TLL1: variants seen among roughly 807,000 people sequenced by gnomAD.
TLL1 encodes the protein tolloid like 1, also known as tolloid-like protein 1.
TLL1 carries 49 observed loss-of-function variants against 128.2 expected under a neutral mutation model. The ratio of observed to expected loss-of-function variants is 0.38; its 90% confidence interval spans 0.30 to 0.48. The LOEUF (loss-of-function observed/expected upper bound fraction) is 0.48. TLL1 is among the 20% of genes least tolerant of loss of function. The pLI is 0.96. For missense variants in TLL1, 1,123 were observed against 1,242.0 expected (o/e 0.90, Z 1.44); for synonymous variants, 454 against 418.8 (o/e 1.08, Z -1.03).
intron 8 of TLL1, 95 bp downstream of exon 8, chr4:166,014,655 C>G: frequency 6.3e-7 from 1 of 1,575,900 alleles, no homozygotes; most frequent in South Asian, 1.1e-5. Context: ...GTTTGTCTCC[C>G]TCCCTGTTGG....
intron 1 of TLL1, among the ~76,000 whole-genome samples, chr4:165,933,035 A>G (rs1479075856): frequency 6.6e-6 from 1 of 152,234 alleles, no homozygotes. Flanking sequence ...ATATTCTTGC[A>G]TGAGACATCA....
At chr4:165,876,308 A>T (rs1182195879) in intron 1 of TLL1, among the ~76,000 whole-genome samples, 1 of 151,324 alleles carries the variant, frequency 6.6e-6, no homozygotes, top group Non-Finnish European at 1.5e-5. Context: ...AAAAAAAATG[A>T]AATACTACAT....
chr4:165,906,198 G>T (rs1045903399), intron 1 of TLL1, among the ~76,000 whole-genome samples: 1 of 152,134 alleles, frequency 6.6e-6, no homozygotes, highest in African/African-American at 2.4e-5. Context: ...CCTCTAGAAA[G>T]CCTGAAATAT....
chr4:165,902,552 C>T (rs1170709130), intron 1 of TLL1, among the ~76,000 whole-genome samples: 1 of 152,162 alleles, frequency 6.6e-6, no homozygotes, highest in Non-Finnish European at 1.5e-5. Context: ...CTGACTCCTT[C>T]TGCTTCCTGG....
At chr4:166,009,130 G>C (rs1278012858) in intron 7 of TLL1, among the ~76,000 whole-genome samples, 2 of 151,264 alleles carry the variant, frequency 1.3e-5, no homozygotes, top group Non-Finnish European at 3.0e-5. Flanking sequence ...ATTTTTTCTA[G>C]AATATGAATT....
chr4:166,003,318 A>G, intron 5 of TLL1, 73 bp from the exon 6 acceptor site: 1 of 1,528,920 alleles, frequency 6.5e-7, no homozygotes, highest in South Asian at 1.1e-5. Context: ...TATTCTTTAC[A>G]AAAAATTCAC....
intron 1 of TLL1, among the ~76,000 whole-genome samples, chr4:165,881,380 G>A (rs979450087): frequency 6.6e-6 from 1 of 152,220 alleles, no homozygotes; most frequent in African/African-American, 2.4e-5. Context: ...GATACGTGAG[G>A]AAAACAGGCA....
chr4:166,019,660 C>G (rs1022899199), intron 8 of TLL1, among the ~76,000 whole-genome samples: 1 of 152,014 alleles, frequency 6.6e-6, no homozygotes. Flanking sequence ...GCCTTGGGTC[C>G]AAGAGGGCAA....
At chr4:166,072,841 A>G (rs1044012426) in intron 16 of TLL1, among the ~76,000 whole-genome samples, 2 of 152,020 alleles carry the variant, frequency 1.3e-5, no homozygotes, top group African/African-American at 2.4e-5. Context: ...GATTCAGGCC[A>G]TCTCTGCCTC....
chr4:166,013,809 C>T (rs1205225178), intron 7 of TLL1, among the ~76,000 whole-genome samples: 1 of 151,584 alleles, frequency 6.6e-6, no homozygotes, highest in Admixed American at 6.6e-5. Context: ...CATTATTATG[C>T]CATTGATTAG....
chr4:165,897,044 GTCT>G (rs1731714369), intron 1 of TLL1, among the ~76,000 whole-genome samples: 1 of 152,042 alleles, frequency 6.6e-6, no homozygotes, highest in African/African-American at 2.4e-5. Context: ...CCACATAAAT[GTCT>G]TCTTTTGAGA....
chr4:166,031,791 TTAGAATTCAACGTATAA>T (rs1370983898), intron 9 of TLL1, among the ~76,000 whole-genome samples: 10 of 152,104 alleles, frequency 6.6e-5, no homozygotes, highest in Non-Finnish European at 1.3e-4. Context: ...ACTGAATGAA[TTAGAATTCAACGTATAA>T]TGATAAACAA....
chr4:165,923,600 AT>A (rs1327664780), intron 1 of TLL1, among the ~76,000 whole-genome samples: 2 of 149,970 alleles, frequency 1.3e-5, no homozygotes, highest in Non-Finnish European at 3.0e-5. Context: ...CGCTCCACTA[AT>A]TTTTTTTGTA....
At chr4:165,956,033 T>A (rs1306707401) in intron 1 of TLL1, among the ~76,000 whole-genome samples, 1 of 151,644 alleles carries the variant, frequency 6.6e-6, no homozygotes, top group Non-Finnish European at 1.5e-5. Flanking sequence ...GGGGAGGGGG[T>A]GTAAAACAGG....
At chr4:165,972,271 T>A (rs1412296269) in intron 1 of TLL1, among the ~76,000 whole-genome samples, 5 of 152,214 alleles carry the variant, frequency 3.3e-5, no homozygotes, top group Non-Finnish European at 5.9e-5. Flanking sequence ...TTTTGCACGT[T>A]TCAGTGTCAA....
intron 1 of TLL1, among the ~76,000 whole-genome samples, chr4:165,954,316 T>G (rs1734672942): frequency 6.6e-6 from 1 of 152,034 alleles, no homozygotes; most frequent in Non-Finnish European, 1.5e-5. Context: ...ATAAATACAC[T>G]TAGAAGGAAT....
intron 1 of TLL1, among the ~76,000 whole-genome samples, chr4:165,951,052 A>G (rs931915684): frequency 9.2e-5 from 14 of 152,104 alleles, no homozygotes; most frequent in African/African-American, 3.4e-4. Flanking sequence ...AATTACAAAT[A>G]CCAGGAATGA....
At chr4:165,903,780 A>G (rs1311913322) in intron 1 of TLL1, among the ~76,000 whole-genome samples, 2 of 151,950 alleles carry the variant, frequency 1.3e-5, no homozygotes, top group East Asian at 3.9e-4. Flanking sequence ...ATAATAATAA[A>G]TAATAAGGCA....
chr4:166,026,905 A>G (rs1196525992), intron 9 of TLL1, among the ~76,000 whole-genome samples: 1 of 152,240 alleles, frequency 6.6e-6, no homozygotes. Context: ...AAAATGGGCA[A>G]ATTTCTATAA....
Sources: gnomAD v4.1 joint callset for allele counts (sites outside exome capture counted in the v4.1 genomes callset) on GRCh38, gnomAD v4.1.1 for gene constraint, MANE v1.5 for transcripts, NCBI Gene and HGNC (gene_info 2026-07-23, HGNC 2026-07-21) for gene names.